The following PTGES3 variants were observed in gnomAD, a reference collection of about 807,000 sequenced individuals.
PTGES3 encodes the protein prostaglandin E synthase 3, also known as Hsp90 co-chaperone.
PTGES3 carries 5 observed loss-of-function variants against 29.9 expected under a neutral mutation model. The ratio of observed to expected loss-of-function variants is 0.17; its 90% CI spans 0.09 to 0.35. PTGES3 has a LOEUF of 0.35. Ranked by LOEUF, PTGES3 falls within the 10% of genes least tolerant of loss-of-function variation. The probability of loss-of-function intolerance (pLI) is 1.00; values close to 1 mark genes in which losing one functional copy is unlikely to be tolerated. For synonymous variants in PTGES3, 49 were observed against 57.8 expected (o/e 0.85, Z 0.69); for missense variants, 128 against 190.0 (o/e 0.67, Z 1.92).
intron 1 of PTGES3, among the ~76,000 whole-genome samples, chr12:56,675,230 G>A (rs1047817606): frequency 6.6e-6 from 1 of 151,696 alleles, no homozygotes; most frequent in African/African-American, 2.4e-5. Flanking sequence ...AACCCAGGAG[G>A]TAGAGGTTGC....
At chr12:56,667,316 T>C (rs1406922454) in intron 5 of PTGES3, among the ~76,000 whole-genome samples, 1 of 152,224 alleles carries the variant, frequency 6.6e-6, no homozygotes, top group Admixed American at 6.5e-5. Flanking sequence ...TTCTCAAGTT[T>C]AAACCATTTT....
chr12:56,677,817 C>T (rs1348931793), intron 1 of PTGES3, among the ~76,000 whole-genome samples: 1 of 152,112 alleles, frequency 6.6e-6, no homozygotes, highest in East Asian at 1.9e-4. Context: ...TGCTTAGTGT[C>T]TTGGCTTATG....
Position 56,672,820 on chromosome 12 carries a change from T to C in PTGES3, c.117-11A>G. ...CTTCCTCCGAGACAACTGTATAAAA[T>C]AATAAAGAAAGAATTAAGCCTCTTC... On this transcript the variant is annotated splice_polypyrimidine_tract_variant and intron_variant, in intron 2 of 7. Transcript: ENST00000262033. 6.4e-7 allele frequency: 1 copy of C among 1,570,986 alleles called. No individual in the cohort carries two copies. The highest frequency in any genetic ancestry group is 1.7e-4 in the Middle Eastern group (1 of 5,838).
intron 1 of PTGES3, among the ~76,000 whole-genome samples, chr12:56,680,866 T>C (rs1335657815): frequency 1.3e-5 from 2 of 151,572 alleles, no homozygotes; most frequent in African/African-American, 4.8e-5. Context: ...CAGCCTTGAC[T>C]TCGCAGGCTC....
At chr12:56,679,664 A>G (rs1016050993) in intron 1 of PTGES3, among the ~76,000 whole-genome samples, 5 of 151,936 alleles carry the variant, frequency 3.3e-5, no homozygotes, top group Non-Finnish European at 5.9e-5. Flanking sequence ...CCCTCTCCAT[A>G]TGTTTTGGGT....
intron 5 of PTGES3, among the ~76,000 whole-genome samples, chr12:56,667,185 G>T (rs1489966847): frequency 6.6e-6 from 1 of 152,204 alleles, no homozygotes; most frequent in Non-Finnish European, 1.5e-5. Flanking sequence ...CTCCCAAAGT[G>T]CTGGGATTAC....
chr12:56,686,715 T>C (rs752300794), intron 1 of PTGES3, among the ~76,000 whole-genome samples: 2 of 152,096 alleles, frequency 1.3e-5, no homozygotes, highest in Non-Finnish European at 2.9e-5. Context: ...CGTATCACTT[T>C]CGGGGAGGGG....
At chr12:56,674,491 G>A (rs1376072808) in intron 1 of PTGES3, among the ~76,000 whole-genome samples, 1 of 151,412 alleles carries the variant, frequency 6.6e-6, no homozygotes, top group Non-Finnish European at 1.5e-5. Flanking sequence ...GAGAATTCGA[G>A]ACCAGCCTGA....
intron 4 of PTGES3, 119 bp from the exon 5 acceptor site, chr12:56,670,483 A>C (rs979658877): frequency 4.3e-6 from 3 of 699,930 alleles, no homozygotes; most frequent in East Asian, 2.7e-5. Context: ...CCCAGGCTGG[A>C]GTGCAGCAAG....
intron 3 of PTGES3, among the ~76,000 whole-genome samples, chr12:56,672,371 G>A (rs1171269375): frequency 2.0e-5 from 3 of 152,142 alleles, no homozygotes; most frequent in African/African-American, 7.2e-5. Flanking sequence ...GCATGTGCCT[G>A]TAATCCCAGC....
At chr12:56,687,152 CCACA>C in intron 1 of PTGES3, 1 of 957,978 alleles carries the variant, frequency 1.0e-6, no homozygotes, top group Middle Eastern at 4.0e-4. Flanking sequence ...GTATTCACCT[CCACA>C]CAAATTTAAG....
intron 4 of PTGES3, chr12:56,670,650 A>G (rs1286188104): frequency 3.7e-6 from 1 of 270,422 alleles, no homozygotes; most frequent in Non-Finnish European, 7.1e-6. Flanking sequence ...TACCTGACAT[A>G]TGGCAATGCA....
At chr12:56,669,202 TATTA>T (rs1464816662) in intron 5 of PTGES3, among the ~76,000 whole-genome samples, 3 of 151,728 alleles carry the variant, frequency 2.0e-5, no homozygotes, top group Non-Finnish European at 4.4e-5. Context: ...TTTAATTATT[TATTA>T]ATTTAGAGAC....
At chr12:56,668,702 T>C (rs1951876821) in intron 5 of PTGES3, among the ~76,000 whole-genome samples, 1 of 152,234 alleles carries the variant, frequency 6.6e-6, no homozygotes, top group Non-Finnish European at 1.5e-5. Context: ...AAATAAGCAG[T>C]TGCATAAAGC....
chr12:56,664,391 G>A lies in PTGES3; in HGVS notation c.*88C>T. The A allele has an allele frequency of 6.8e-7, 1 of 1,464,542 alleles. No homozygotes were observed. The highest frequency in any genetic ancestry group is 9.4e-7 in the Non-Finnish European group (1 of 1,063,922). 90.7% of individuals were successfully genotyped at this position (1,464,542 alleles called of 1,614,324 possible). ...GGCAAATACAGCATATCTGCCTTTA[G>A]AGCTATCAACTCAGGAATTCTCTCA... On this transcript the variant is annotated 3_prime_UTR_variant, in exon 8 of 8. Transcript: ENST00000262033.
chr12:56,665,758 C>T (rs1951761725), intron 6 of PTGES3: 1 of 699,216 alleles, frequency 1.4e-6, no homozygotes, highest in Non-Finnish European at 1.8e-6. Flanking sequence ...TCTCCCACCT[C>T]AGCTCACCAG....
chr12:56,671,703 TAAAATA>T, intron 4 of PTGES3, 40 bp downstream of exon 4: 2 of 1,261,428 alleles, frequency 1.6e-6, no homozygotes, highest in Non-Finnish European at 2.2e-6. Context: ...TTTTATTACC[TAAAATA>T]AAAATATCAA....
intron 1 of PTGES3, chr12:56,687,678 C>A (rs1454931183): frequency 1.2e-5 from 15 of 1,270,346 alleles, no homozygotes; most frequent in Admixed American, 4.1e-5. Context: ...CGCCGCATGG[C>A]GAGCAGCTAC....
rs1177350725 is a variant in PTGES3, at chr12:56,675,004, C to CAAAAAAA, written c.3-1946_3-1940dup. On this transcript the variant is annotated intron_variant, in intron 1 of 7. Coordinates refer to ENST00000262033, the MANE Select transcript of PTGES3 (RefSeq NM_006601.7). Reference sequence around the variant, plus strand: ...GGGCAACAAGAGTGAAACTCGGTCTCAAAAAAAAAAAAAAAAAAAAAAAGT... The same window carrying CAAAAAAA: ...GGGCAACAAGAGTGAAACTCGGTCTCAAAAAAAAAAAAAAAAAAAAAAAAAAAAAAGT... 5.4e-3 allele frequency among the ~76,000 whole-genome samples: 173 copies of CAAAAAAA among 32,326 alleles called. 16 individuals are homozygous for CAAAAAAA. Among genetic ancestry groups the CAAAAAAA allele is most frequent in the Non-Finnish European group, 6.2e-3 (114 of 18,486 alleles). 21.2% of individuals were successfully genotyped at this position (32,326 alleles called of 152,430 possible). A position where few individuals can be genotyped will look rare whatever the true frequency, so the allele number is the denominator to read the frequency against.
Sources: gnomAD v4.1 joint callset for allele counts (sites outside exome capture counted in the v4.1 genomes callset) on GRCh38, gnomAD v4.1.1 for gene constraint, MANE v1.5 for transcripts, NCBI Gene and HGNC (gene_info 2026-07-23, HGNC 2026-07-21) for gene names.